Variants in IL1RAPL2 observed in about 807,000 individuals in gnomAD.
IL1RAPL2 encodes X-linked interleukin-1 receptor accessory protein-like 2.
IL1RAPL2 carries 3 observed loss-of-function variants against 44.1 expected under a neutral mutation model. That is an observed-to-expected ratio of 0.07 (90% CI 0.03 to 0.18). The LOEUF is 0.18. IL1RAPL2 is among the 10% of genes least tolerant of loss of function. The pLI is 1.00. For missense variants in IL1RAPL2, 391 were observed against 496.4 expected, an observed-to-expected ratio of 0.79 and a Z score of 2.02; for synonymous variants, 181 against 178.8, an observed-to-expected ratio of 1.01 and a Z score of -0.10.
At chrX:105,659,052 G>C (rs1390076762) in intron 6 of IL1RAPL2, among the ~76,000 whole-genome samples, 1 of 110,449 alleles carries the variant, frequency 9.1e-6, no homozygotes, top group Non-Finnish European at 1.9e-5. Context: ...ACATGAACCT[G>C]GTAAGTAGAG....
At chrX:104,863,436 C>T (rs1305914432) in intron 2 of IL1RAPL2, among the ~76,000 whole-genome samples, 2 of 112,046 alleles carry the variant, frequency 1.8e-5, no homozygotes, top group Non-Finnish European at 3.8e-5. Flanking sequence ...TAACATAAGA[C>T]CTTTCATATG....
At position 104,867,604 on chromosome X, in the gene IL1RAPL2, C is replaced by A. The variant is rs759758795; in HGVS notation, c.82+208609C>A. ...TGAGTCTGGAGATATTGGTAATGCC[C>A]AAATACTGTGTGAGAGGGACCCTCT... On this transcript the variant is annotated intron_variant, in intron 2 of 10. Transcript: ENST00000372582. Among the ~76,000 whole-genome samples the A allele has an allele frequency of 2.7e-5, 3 of 111,579 alleles. No individual in the cohort carries two copies. In the South Asian group the frequency reaches 1.1e-3, roughly 42 times the overall value.
chrX:104,690,006 G>A (rs1245227930), intron 2 of IL1RAPL2, among the ~76,000 whole-genome samples: 1 of 111,954 alleles, frequency 8.9e-6, no homozygotes, highest in Admixed American at 9.5e-5. Context: ...TGGCGCAATT[G>A]GTTGGTATGC....
At chrX:105,110,987 C>T (rs1049778875) in intron 2 of IL1RAPL2, among the ~76,000 whole-genome samples, 4 of 111,639 alleles carry the variant, frequency 3.6e-5, no homozygotes, top group Non-Finnish European at 7.5e-5. Context: ...CATGGAGTGA[C>T]TTTACTTGTC....
chrX:104,618,413 G>A (rs1199344219), intron 1 of IL1RAPL2, among the ~76,000 whole-genome samples: 1 of 112,360 alleles, frequency 8.9e-6, no homozygotes, highest in Non-Finnish European at 1.9e-5. Context: ...CACTGAGGGT[G>A]AATCTAGTGG....
intron 2 of IL1RAPL2, among the ~76,000 whole-genome samples, chrX:104,910,120 G>A (rs1026506647): frequency 8.9e-6 from 1 of 112,004 alleles, no homozygotes; most frequent in Non-Finnish European, 1.9e-5. Flanking sequence ...GATTTTCCAG[G>A]TGCCGTCCGT....
intron 5 of IL1RAPL2, among the ~76,000 whole-genome samples, chrX:105,471,208 T>C (rs190054159): frequency 1.8e-5 from 2 of 111,739 alleles, no homozygotes; most frequent in African/African-American, 3.2e-5. Flanking sequence ...ATGGGTACTA[T>C]TATTATCCAC....
At chrX:104,683,195 A>G (rs1458991980) in intron 2 of IL1RAPL2, among the ~76,000 whole-genome samples, 1 of 111,912 alleles carries the variant, frequency 8.9e-6, no homozygotes, top group Non-Finnish European at 1.9e-5. Flanking sequence ...AGTTGTACCC[A>G]TAGAACAGAG....
At chrX:105,573,573 G>A (rs911226842) in intron 6 of IL1RAPL2, among the ~76,000 whole-genome samples, 21 of 111,391 alleles carry the variant, frequency 1.9e-4, no homozygotes, top group Admixed American at 4.8e-4. Context: ...GTGAACGGGT[G>A]AATGGATGTT....
At position 105,114,535 on chromosome X, in the gene IL1RAPL2, G is replaced by A. The variant is rs752551253; in HGVS notation, c.83-80940G>A. ...ATTATTAATAAAGTTGATTTAAACCGGAGACTGATTACTGCTACTACTTTC... is the reference window on the plus strand; with the variant it reads ...ATTATTAATAAAGTTGATTTAAACCAGAGACTGATTACTGCTACTACTTTC... On this transcript the variant is annotated intron_variant, in intron 2 of 10. Transcript: ENST00000372582. Among the ~76,000 whole-genome samples, 71 of 107,179 alleles carry A rather than the reference G, an allele frequency of 6.6e-4. 1 individual carries two copies. Among genetic ancestry groups the A allele is most frequent in the Non-Finnish European group, 3.3e-4 (17 of 52,026 alleles). 93.1% of individuals were successfully genotyped at this position (107,179 alleles called of 115,157 possible).
chrX:105,679,060 A>G (rs1427284709), intron 6 of IL1RAPL2, among the ~76,000 whole-genome samples: 2 of 108,629 alleles, frequency 1.8e-5, no homozygotes, highest in East Asian at 2.9e-4. Context: ...TGTGATAGAC[A>G]AAGTCATTTC....
At chrX:105,220,365 C>A in intron 3 of IL1RAPL2, 1 of 1,198,091 alleles carries the variant, frequency 8.3e-7, no homozygotes, top group Non-Finnish European at 1.1e-6. Flanking sequence ...TATGCCGGAA[C>A]CCGCTACTGG....
At chrX:104,658,579 C>A (rs998391750) in intron 1 of IL1RAPL2, among the ~76,000 whole-genome samples, 1 of 111,918 alleles carries the variant, frequency 8.9e-6, no homozygotes, top group Non-Finnish European at 1.9e-5. Context: ...CAAACCTGCA[C>A]GTTGTGCACA....
At chrX:104,600,390 C>T (rs1332398538) in intron 1 of IL1RAPL2, among the ~76,000 whole-genome samples, 3 of 111,378 alleles carry the variant, frequency 2.7e-5, no homozygotes, top group East Asian at 5.6e-4. Flanking sequence ...AGTGAAAGCA[C>T]GTTCACTGTA....
intron 4 of IL1RAPL2, among the ~76,000 whole-genome samples, chrX:105,240,376 G>A (rs1328791961): frequency 8.9e-6 from 1 of 112,554 alleles, no homozygotes; most frequent in Non-Finnish European, 1.9e-5. Context: ...GGTATTGGCT[G>A]ATTTAGCATG....
At position 105,429,786 on chromosome X, in the gene IL1RAPL2, A is replaced by G. The variant is rs1389817389; in HGVS notation, c.698-54527A>G. 4.5e-5 allele frequency among the ~76,000 whole-genome samples: 5 copies of G among 111,910 alleles called. No individual in the cohort carries two copies. In the Admixed American group the frequency reaches 4.7e-4, roughly 11 times the overall value. On this transcript the variant is annotated intron_variant, in intron 5 of 10. Transcript: ENST00000372582. ...AGTGACTGTATTCCAATCACATTTT[A>G]TATGCAAAAAGAAGCCTTAGCTTGA...
intron 2 of IL1RAPL2, among the ~76,000 whole-genome samples, chrX:105,083,033 G>A (rs2032434281): frequency 9.0e-6 from 1 of 111,431 alleles, no homozygotes; most frequent in Non-Finnish European, 1.9e-5. Flanking sequence ...CTAACCCAAT[G>A]CAAGGAAGCT....
chrX:105,110,361 A>T (rs747940217), intron 2 of IL1RAPL2, among the ~76,000 whole-genome samples: 1 of 112,189 alleles, frequency 8.9e-6, no homozygotes, highest in African/African-American at 3.2e-5. Context: ...GAAGAATCCA[A>T]TGTTCTCTGC....
intron 1 of IL1RAPL2, among the ~76,000 whole-genome samples, chrX:104,579,518 C>G (rs758485490): frequency 9.0e-6 from 1 of 111,540 alleles, no homozygotes; most frequent in African/African-American, 3.3e-5. Context: ...AAAATAAAAT[C>G]CCACATCTTC....
Sources: gnomAD v4.1 joint callset for allele counts (sites outside exome capture counted in the v4.1 genomes callset) on GRCh38, gnomAD v4.1.1 for gene constraint, MANE v1.5 for transcripts, NCBI Gene and HGNC (gene_info 2026-07-23, HGNC 2026-07-21) for gene names.